Variants in BRI3 observed in about 807,000 individuals in gnomAD.
BRI3 encodes the protein brain protein I3.
A neutral mutation model predicts 12.8 loss-of-function variants in BRI3; 6 were observed. The observed-to-expected ratio is 0.47, with a 90% CI of 0.26 to 0.93. The LOEUF is 0.93. BRI3 is among the 40% of genes least tolerant of loss of function. BRI3 has a pLI of 0.15. For missense variants in BRI3, 134 were observed against 171.1 expected, an observed-to-expected ratio of 0.78 and a Z score of 1.21; for synonymous variants, 91 against 76.1, an observed-to-expected ratio of 1.20 and a Z score of -1.02.
At chr7:98,287,083 C>T (rs1016726972) in intron 2 of BRI3, among the ~76,000 whole-genome samples, 4 of 152,232 alleles carry the variant, frequency 2.6e-5, no homozygotes, top group Admixed American at 6.5e-5. Context: ...CTCGTTCTCC[C>T]GGGCCGGGGT....
chr7:98,306,332 C>G, upstream of BRI3: 9 of 1,342,550 alleles, frequency 6.7e-6, no homozygotes, highest in Non-Finnish European at 9.6e-6. Flanking sequence ...TCCACGAGAG[C>G]TGAGGCTTAG....
the BRI3 span, chr7:98,320,242 C>A: frequency 6.2e-7 from 1 of 1,608,880 alleles, no homozygotes; most frequent in Non-Finnish European, 8.5e-7. Context: ...CGTACATTTT[C>A]ATCAAGACTC....
chr7:98,286,466 G>A (rs188752235), intron 2 of BRI3, among the ~76,000 whole-genome samples: 56 of 152,338 alleles, frequency 3.7e-4, no homozygotes, highest in African/African-American at 1.3e-3. Flanking sequence ...GCACAAGAAT[G>A]GGGGAGGGGC....
chr7:98,297,780 C>T (rs917390183), downstream of BRI3, among the ~76,000 whole-genome samples: 9 of 152,144 alleles, frequency 5.9e-5, no homozygotes, highest in African/African-American at 1.2e-4. Flanking sequence ...AGGCCTGCAC[C>T]GGGGGCACTG....
downstream of BRI3, chr7:98,292,494 C>A: frequency 1.3e-6 from 1 of 798,230 alleles, no homozygotes; most frequent in Non-Finnish European, 2.0e-6. Flanking sequence ...CTCTCCACTC[C>A]AAAATAGGTC....
the BRI3 span, among the ~76,000 whole-genome samples, chr7:98,321,471 C>G: frequency 6.6e-6 from 1 of 152,188 alleles, no homozygotes; most frequent in African/African-American, 2.4e-5. Context: ...AAACCAAGCA[C>G]AGTCACATGA....
downstream of BRI3, chr7:98,293,002 C>T (rs1015569707): frequency 4.5e-6 from 5 of 1,105,890 alleles, no homozygotes; most frequent in African/African-American, 8.1e-5. Flanking sequence ...TACACTTAAA[C>T]ATTTTAAGTT....
intron 2 of BRI3, among the ~76,000 whole-genome samples, chr7:98,288,788 A>AGGTTGGAGGAGG: frequency 6.6e-6 from 1 of 150,682 alleles, no homozygotes; most frequent in East Asian, 2.0e-4. Flanking sequence ...TTTTGTAGGG[A>AGGTTGGAGGAGG]GGGGTCTTTG....
chr7:98,301,655 AGAT>A (rs756539056), upstream of BRI3, among the ~76,000 whole-genome samples: 4 of 151,942 alleles, frequency 2.6e-5, no homozygotes, highest in Admixed American at 6.6e-5. Flanking sequence ...GGGAACCTGA[AGAT>A]GATGGTGTGT....
chr7:98,286,968 A>G (rs1799730843), intron 2 of BRI3, among the ~76,000 whole-genome samples: 1 of 152,158 alleles, frequency 6.6e-6, no homozygotes, highest in Admixed American at 6.5e-5. Flanking sequence ...GGGGTAGGGA[A>G]TGCTGCCCAC....
At chr7:98,293,464 G>T, downstream of BRI3, 1 of 1,510,170 alleles carries the variant, frequency 6.6e-7, no homozygotes, top group Non-Finnish European at 9.2e-7. Context: ...GACAGGATGC[G>T]CCCATCATTC....
chr7:98,282,333 C>T lies in BRI3; in HGVS notation c.143-18C>T, dbSNP rs775323927. 3.1e-6 allele frequency: 5 copies of T among 1,602,388 alleles called. No homozygotes were observed. The South Asian group carries it at 4.4e-5, about 14-fold the overall frequency. The stretch of plus-strand genomic sequence containing the variant: ...TTTCTCCTCCCTGCACCCTAATGAC[C>T]TGCTTTCCCGCCCACAGGGATACCC... On this transcript the variant is annotated intron_variant, in intron 1 of 2. Transcript: ENST00000297290.
chr7:98,282,511 AC>A, intron 2 of BRI3, 58 bp downstream of exon 2: 1 of 1,386,542 alleles, frequency 7.2e-7, no homozygotes, highest in Non-Finnish European at 1.0e-6. Flanking sequence ...CCCCGCCCTA[AC>A]CCCCAGGACC....
At chr7:98,310,497 A>G, downstream of BRI3, 2 of 1,607,504 alleles carry the variant, frequency 1.2e-6, no homozygotes, top group East Asian at 4.5e-5. Flanking sequence ...CTGGGTTATT[A>G]AACATATCGA....
intron 1 of BRI3, among the ~76,000 whole-genome samples, chr7:98,299,358 A>G (rs1393647372): frequency 6.6e-6 from 1 of 151,324 alleles, no homozygotes; most frequent in African/African-American, 2.4e-5. Context: ...AGGTCCCACT[A>G]TATTGCCCAG....
At chr7:98,292,921 A>C, downstream of BRI3, 1 of 1,394,500 alleles carries the variant, frequency 7.2e-7, no homozygotes, top group Non-Finnish European at 9.3e-7. Context: ...AGGGCAGGCA[A>C]AGCGTCTTAG....
upstream of BRI3, among the ~76,000 whole-genome samples, chr7:98,301,545 C>G (rs1800423397): frequency 6.6e-6 from 1 of 151,070 alleles, no homozygotes; most frequent in Non-Finnish European, 1.5e-5. Context: ...TTTTGATCTC[C>G]TGACCTCGTG....
At chr7:98,319,772 A>C in the BRI3 span, among the ~76,000 whole-genome samples, 7 of 152,008 alleles carry the variant, frequency 4.6e-5, no homozygotes, top group African/African-American at 1.7e-4. Flanking sequence ...GCTGGTCTTG[A>C]ACTACTGACC....
At chr7:98,300,748 C>T (rs925859213) in intron 1 of BRI3, among the ~76,000 whole-genome samples, 9 of 152,118 alleles carry the variant, frequency 5.9e-5, no homozygotes, top group South Asian at 2.1e-4. Flanking sequence ...CACAGGCTGG[C>T]GGCACCACTC....
Sources: gnomAD v4.1 joint callset for allele counts (sites outside exome capture counted in the v4.1 genomes callset) on GRCh38, gnomAD v4.1.1 for gene constraint, MANE v1.5 for transcripts, NCBI Gene and HGNC (gene_info 2026-07-23, HGNC 2026-07-21) for gene names.